Variants in KIFC3 observed in about 807,000 individuals in gnomAD.
KIFC3 encodes the protein kinesin-like protein KIFC3.
A neutral mutation model predicts 101.8 loss-of-function variants in KIFC3; 60 were observed. The ratio of observed to expected loss-of-function variants is 0.59; its 90% CI spans 0.48 to 0.73. The LOEUF (loss-of-function observed/expected upper bound fraction) is 0.73. Among genes scored for constraint, KIFC3 ranks in the 30% least tolerant of loss-of-function variants. The pLI is 0.00. For missense variants in KIFC3, 966 were observed against 1,137.1 expected (o/e 0.85, Z 2.16); for synonymous variants, 476 against 482.7 (o/e 0.99, Z 0.18).
At chr16:57,846,012 G>A (rs1315616610) in intron 1 of KIFC3, among the ~76,000 whole-genome samples, 2 of 152,330 alleles carry the variant, frequency 1.3e-5, no homozygotes, top group South Asian at 4.1e-4. Flanking sequence ...AAAGAGAACA[G>A]AGGAAATGCA....
intron 2 of KIFC3, among the ~76,000 whole-genome samples, chr16:57,795,884 G>GTTTTTTTT (rs797031930): frequency 1.5e-4 from 9 of 58,788 alleles, no homozygotes; most frequent in East Asian, 4.6e-4. Context: ...GGGCTTTTTT[G>GTTTTTTTT]TTTTTTTTTT....
chr16:57,810,529 AGGTGACCGAGAGGAAGCAGCAAGGAT>A, intron 1 of KIFC3: 1 of 325,064 alleles, frequency 3.1e-6, no homozygotes, highest in Non-Finnish European at 4.4e-6. Flanking sequence ...ACCAGCTTCC[AGGTGACCGAGAGGAAGCAGCAAGGAT>A]CCTGCGGTTC....
chr16:57,764,439 G>C, intron 11 of KIFC3, 192 bp from the exon 12 acceptor site: 1 of 571,472 alleles, frequency 1.7e-6, no homozygotes, highest in Non-Finnish European at 3.2e-6. Flanking sequence ...CAACCGGGCC[G>C]CCCAAAGACT....
chr16:57,822,040 C>T (rs1489309422), intron 1 of KIFC3, among the ~76,000 whole-genome samples: 1 of 152,142 alleles, frequency 6.6e-6, no homozygotes, highest in Non-Finnish European at 1.5e-5. Context: ...GGAGCCACTG[C>T]ACTCAGCCTG....
At chr16:57,859,645 AC>A (rs1441132950) in intron 1 of KIFC3, among the ~76,000 whole-genome samples, 1 of 152,172 alleles carries the variant, frequency 6.6e-6, no homozygotes, top group African/African-American at 2.4e-5. Context: ...CCGAAGTCAT[AC>A]ACCAGTTACA....
chr16:57,847,291 G>A (rs1290197152), intron 1 of KIFC3, among the ~76,000 whole-genome samples: 26 of 137,794 alleles, frequency 1.9e-4, no homozygotes, highest in African/African-American at 7.0e-4. Context: ...GAGGGAGAGA[G>A]GGCGGGGAGG....
At position 57,845,936 on chromosome 16, in the gene KIFC3, C is replaced by G. The variant is rs376129680; in HGVS notation, c.108+16793G>C. Reference sequence around the variant, plus strand: ...GTAGAGTTTAAACTTACAGAGGGTTCTTTAAGATTTGTGAAAGGAAGGGGC... The same window carrying G: ...GTAGAGTTTAAACTTACAGAGGGTTGTTTAAGATTTGTGAAAGGAAGGGGC... On this transcript the variant is annotated intron_variant, in intron 1 of 2. Coordinates refer to the KIFC3 transcript ENST00000563028. 1.3e-4 allele frequency among the ~76,000 whole-genome samples: 20 copies of G among 152,240 alleles called. 1 individual carries two copies. The East Asian group carries it at 3.9e-3, about 29-fold the overall frequency.
At chr16:57,838,681 A>C (rs1256419237) in intron 1 of KIFC3, among the ~76,000 whole-genome samples, 2 of 152,190 alleles carry the variant, frequency 1.3e-5, no homozygotes, top group East Asian at 1.9e-4. Context: ...CCATTTTCCA[A>C]AAAGCAAAAT....
At chr16:57,762,883 C>G (rs1555599295) in intron 12 of KIFC3, among the ~76,000 whole-genome samples, 2 of 152,230 alleles carry the variant, frequency 1.3e-5, no homozygotes, top group Non-Finnish European at 2.9e-5. Context: ...CTGGCATGCT[C>G]TGGCCTCTTG....
At chr16:57,851,957 T>G (rs1163755138) in intron 1 of KIFC3, among the ~76,000 whole-genome samples, 1 of 152,092 alleles carries the variant, frequency 6.6e-6, no homozygotes, top group African/African-American at 2.4e-5. Context: ...GCCAGGCTGG[T>G]CTCAAACCCC....
intron 1 of KIFC3, among the ~76,000 whole-genome samples, chr16:57,860,694 G>T (rs764916407): frequency 6.6e-6 from 1 of 151,716 alleles, no homozygotes; most frequent in Non-Finnish European, 1.5e-5. Context: ...GAGGAGGAAT[G>T]CCCCTACTTT....
At chr16:57,776,497 C>A in intron 3 of KIFC3, 2 of 794,702 alleles carry the variant, frequency 2.5e-6, no homozygotes, top group Non-Finnish European at 3.0e-6. Flanking sequence ...TGCTGGGTAA[C>A]CTTGGACAAG....
intron 1 of KIFC3, chr16:57,813,894 G>A (rs1030488898): frequency 3.1e-6 from 3 of 982,530 alleles, no homozygotes; most frequent in South Asian, 9.4e-5. Flanking sequence ...AGGCAGAGGT[G>A]AAGGGATCTA....
chr16:57,784,961 G>A (rs1846026069), intron 3 of KIFC3, among the ~76,000 whole-genome samples: 1 of 152,210 alleles, frequency 6.6e-6, no homozygotes, highest in East Asian at 1.9e-4. Flanking sequence ...TCCAGAGGTT[G>A]AGAGATCCCT....
chr16:57,763,083 G>C (rs2050055003), intron 12 of KIFC3, among the ~76,000 whole-genome samples: 2 of 152,172 alleles, frequency 1.3e-5, no homozygotes, highest in African/African-American at 4.8e-5. Flanking sequence ...TTTCTCCCTG[G>C]CCTGACAGGA....
intron 1 of KIFC3, among the ~76,000 whole-genome samples, chr16:57,801,638 C>T (rs1368983066): frequency 6.6e-6 from 1 of 152,248 alleles, no homozygotes; most frequent in African/African-American, 2.4e-5. Context: ...CCACAACCCG[C>T]AATCTTGAGA....
Position 57,798,156 on chromosome 16 carries a change from G to A in KIFC3, c.88C>T (p.Pro30Ser), listed in dbSNP as rs1555623917. 2 of 1,545,410 alleles carry A rather than the reference G, an allele frequency of 1.3e-6. No homozygotes were observed. The highest frequency in any genetic ancestry group is 1.7e-6 in the Non-Finnish European group (2 of 1,145,582). ...WRVGRAPEPE[P>S]GMARPAPAPA... is the part of the protein sequence containing the mutation. ...GCTGGGGCGGGGCGAGCCATCCCCGGCTCGGGCTCCGGGGCCCGGCCCACT... is the reference window on the plus strand; with the variant it reads ...GCTGGGGCGGGGCGAGCCATCCCCGACTCGGGCTCCGGGGCCCGGCCCACT... The change falls in exon 2 of 20, where the codon CCG (proline) becomes TCG (serine). Residue 30 changes from proline (P) to serine (S), a missense_variant. Physicochemically the swap from Pro to Ser is moderately conservative, Grantham distance 74 (BLOSUM62 -1). This residue lies in a region of KIFC3 where 277 missense variants were observed against 252.5 expected (regional missense o/e 1.10). Transcript: ENST00000445690.
chr16:57,813,621 G>A, intron 1 of KIFC3: 1 of 924,738 alleles, frequency 1.1e-6, no homozygotes, highest in Non-Finnish European at 1.3e-6. Context: ...TGCCTGCCGA[G>A]TGCCTGCATG....
chr16:57,825,974 T>C (rs2055449471), intron 1 of KIFC3, among the ~76,000 whole-genome samples: 1 of 152,250 alleles, frequency 6.6e-6, no homozygotes, highest in South Asian at 2.1e-4. Context: ...CATGAGCCAT[T>C]GCACCTGGCT....
Sources: allele counts gnomAD v4.1 joint callset (sites outside exome capture counted in the v4.1 genomes callset), GRCh38; gene constraint gnomAD v4.1.1; regional missense constraint gnomAD v4.1.1; transcripts MANE v1.5; gene names NCBI Gene and HGNC (gene_info 2026-07-23, HGNC 2026-07-21).